Variants in AK8 observed in about 807,000 individuals in gnomAD.
AK8 encodes the protein ATP-AMP transphosphorylase 8.
AK8 carries 44 observed loss-of-function variants against 54.6 expected under a neutral mutation model. The observed-to-expected ratio is 0.81, with a 90% confidence interval of 0.63 to 1.04. The LOEUF (loss-of-function observed/expected upper bound fraction) is 1.04. Among genes scored for constraint, AK8 ranks in the 50% least tolerant of loss-of-function variants. The pLI, the probability that AK8 is intolerant of heterozygous loss-of-function variation, is 0.00. For missense variants in AK8, 555 were observed against 613.6 expected (o/e 0.90, Z 1.01); for synonymous variants, 239 against 245.6 (o/e 0.97, Z 0.25).
chr9:132,764,153 T>A (rs1165855634), intron 11 of AK8, among the ~76,000 whole-genome samples: 1 of 151,818 alleles, frequency 6.6e-6, no homozygotes, highest in Non-Finnish European at 1.5e-5. Flanking sequence ...AAAAAATAAT[T>A]TAAAAAATTA....
At chr9:132,742,118 C>G (rs2130980621) in intron 11 of AK8, among the ~76,000 whole-genome samples, 1 of 150,436 alleles carries the variant, frequency 6.6e-6, no homozygotes, top group Admixed American at 6.6e-5. Context: ...GTGCTCCATT[C>G]TTTGGATCTA....
intron 1 of AK8, among the ~76,000 whole-genome samples, chr9:132,877,135 A>G (rs533349696): frequency 6.6e-6 from 1 of 152,198 alleles, no homozygotes; most frequent in Non-Finnish European, 1.5e-5. Context: ...GGTTCTCTAG[A>G]GCAGACAACA....
At chr9:132,786,865 C>G (rs1839730948) in intron 11 of AK8, among the ~76,000 whole-genome samples, 1 of 152,054 alleles carries the variant, frequency 6.6e-6, no homozygotes, top group Admixed American at 6.5e-5. Context: ...CCCCATCCTC[C>G]TAACAAAATC....
At chr9:132,797,565 C>T (rs750951193) in intron 10 of AK8, among the ~76,000 whole-genome samples, 12 of 151,166 alleles carry the variant, frequency 7.9e-5, no homozygotes, top group Admixed American at 1.3e-4. Flanking sequence ...TGGGAGGGGT[C>T]TCTGGGGTAG....
intron 10 of AK8, among the ~76,000 whole-genome samples, chr9:132,804,642 G>A (rs926338463): frequency 3.9e-5 from 6 of 152,094 alleles, no homozygotes; most frequent in African/African-American, 9.7e-5. Flanking sequence ...GTGTCCCTCT[G>A]CTCCCATCTT....
At chr9:132,806,462 C>T (rs1327900224) in intron 10 of AK8, among the ~76,000 whole-genome samples, 1 of 152,180 alleles carries the variant, frequency 6.6e-6, no homozygotes, top group African/African-American at 2.4e-5. Context: ...AGTACAAACA[C>T]ACCGCATGCA....
chr9:132,775,549 C>T lies in AK8; in HGVS notation c.1121+17085G>A, dbSNP rs146210870. ...AACCACTGACCTCAAGTGATCTGCC[C>T]GCCTCAGCCTCCGCCTCCCAAAGTG... is the stretch of plus-strand genomic sequence containing the variant. On this transcript the variant is annotated intron_variant, in intron 11 of 12. Transcript: ENST00000298545. Among the ~76,000 whole-genome samples the T allele has an allele frequency of 6.6e-5, 10 of 152,224 alleles. No homozygotes were observed. The East Asian group carries it at 7.7e-4, about 12-fold the overall frequency.
rs751533612 is a variant in AK8 at position 132,866,940 on chromosome 9, T to C, written c.183A>G (p.Val61=). The change falls in exon 3 of 13, where the codon GTA becomes GTG. Residue 61 remains valine, a synonymous_variant. Coordinates refer to ENST00000298545, the MANE Select transcript of AK8 (RefSeq NM_152572.3). ...TCCCTGAGGCGGGTGGACCTAATAT[T>C]ACAATCCTGGGCACTGTGGAATAAA... The part of the protein sequence containing the change: ...HRDNDNVPRI[V]ILGPPASGKT... 1 of 1,614,144 alleles carries C rather than the reference T, an allele frequency of 6.2e-7. No individual in the cohort carries two copies.
intron 11 of AK8, among the ~76,000 whole-genome samples, chr9:132,757,130 G>A (rs983313022): frequency 6.6e-6 from 1 of 151,852 alleles, no homozygotes; most frequent in Admixed American, 6.6e-5. Context: ...GATGACAACG[G>A]AATGCGTGTG....
chr9:132,812,803 C>T (rs546243531), intron 10 of AK8, among the ~76,000 whole-genome samples: 1 of 152,298 alleles, frequency 6.6e-6, no homozygotes, highest in South Asian at 2.1e-4. Context: ...GGTTTTCACC[C>T]TCCCTGGTGC....
In AK8 at chr9:132,827,002, A is replaced by T. The variant is rs1289894547; in HGVS notation, c.609T>A (p.Arg203=). 6.2e-7 allele frequency: 1 copy of T among 1,614,222 alleles called. No individual in the cohort carries two copies. The highest frequency in any genetic ancestry group is 8.5e-7 in the Non-Finnish European group (1 of 1,180,038). Residue 203 remains arginine (R), a synonymous_variant, in exon 8 of 13, where the codon CGT becomes CGA. Coordinates refer to ENST00000298545, the MANE Select transcript of AK8 (RefSeq NM_152572.3). The part of the protein sequence containing the change: ...DWPPESEIQN[R]LMVPEDISEL... ...CTGAGATGTCCTCTGGCACCATGAG[A>T]CGGTTCTGGATTTCAGATTCGGGTG...
At chr9:132,802,208 G>A (rs531482786) in intron 10 of AK8, among the ~76,000 whole-genome samples, 15 of 152,034 alleles carry the variant, frequency 9.9e-5, no homozygotes, top group Admixed American at 7.9e-4. Context: ...TCCCAGGCAC[G>A]TGGTGCAGCC....
chr9:132,843,922 T>C (rs1372862958), intron 5 of AK8, among the ~76,000 whole-genome samples: 2 of 151,930 alleles, frequency 1.3e-5, no homozygotes, highest in Admixed American at 6.6e-5. Flanking sequence ...GAAGAAAGAG[T>C]TGGGAAGAAA....
At chr9:132,767,942 C>CA (rs1377038758) in intron 11 of AK8, among the ~76,000 whole-genome samples, 1 of 152,056 alleles carries the variant, frequency 6.6e-6, no homozygotes, top group African/African-American at 2.4e-5. Flanking sequence ...TGATGGTTAC[C>CA]AGAGGCTGGG....
intron 11 of AK8, among the ~76,000 whole-genome samples, chr9:132,741,245 T>TC (rs1554782477): frequency 6.6e-6 from 1 of 152,142 alleles, no homozygotes; most frequent in African/African-American, 2.4e-5. Context: ...TGTGTCCGAA[T>TC]CCCCCCGACA....
At chr9:132,869,386 TGCC>T (rs1406631847) in intron 2 of AK8, among the ~76,000 whole-genome samples, 3 of 152,062 alleles carry the variant, frequency 2.0e-5, no homozygotes, top group South Asian at 2.1e-4. Flanking sequence ...GTGGGCATGG[TGCC>T]GCCATCAACC....
intron 9 of AK8, among the ~76,000 whole-genome samples, chr9:132,818,515 G>A (rs989102151): frequency 1.1e-4 from 17 of 151,968 alleles, no homozygotes; most frequent in African/African-American, 3.6e-4. Context: ...AATAGGCTGG[G>A]ACAAGCAAAA....
At chr9:132,848,802 T>C (rs1406377269) in intron 5 of AK8, among the ~76,000 whole-genome samples, 2 of 151,950 alleles carry the variant, frequency 1.3e-5, no homozygotes, top group Non-Finnish European at 2.9e-5. Context: ...CAACTGGAGA[T>C]GCAGAATCAA....
intron 1 of AK8, chr9:132,877,658 G>A: frequency 2.8e-6 from 1 of 357,238 alleles, no homozygotes; most frequent in South Asian, 2.0e-5. Flanking sequence ...CTGGCCCTGA[G>A]GAGGAGGGAC....
Sources: allele counts gnomAD v4.1 joint callset (sites outside exome capture counted in the v4.1 genomes callset), GRCh38; gene constraint gnomAD v4.1.1; transcripts MANE v1.5; gene names NCBI Gene and HGNC (gene_info 2026-07-23, HGNC 2026-07-21).